PAK1: variants seen among roughly 807,000 people sequenced by gnomAD.
PAK1 encodes p21 (RAC1) activated kinase 1, also known as serine/threonine-protein kinase PAK 1.
A neutral mutation model predicts 67.4 loss-of-function variants in PAK1; 29 were observed. The observed-to-expected ratio is 0.43, with a 90% CI of 0.32 to 0.59. The LOEUF is 0.59. Ranked by LOEUF, PAK1 falls within the 20% of genes least tolerant of loss-of-function variation. The probability of loss-of-function intolerance (pLI) is 0.07; values close to 1 mark genes in which losing one functional copy is unlikely to be tolerated. For missense variants in PAK1, 337 were observed against 670.7 expected (o/e 0.50, Z 5.50); for synonymous variants, 223 against 237.4 (o/e 0.94, Z 0.56).
intron 3 of PAK1, 193 bp from the exon 4 acceptor site, chr11:77,379,581 T>C (rs1313831553): frequency 3.3e-6 from 2 of 601,114 alleles, no homozygotes; most frequent in African/African-American, 1.9e-5. Flanking sequence ...TTTCTTAAGA[T>C]GTCTGCTCCT....
chr11:77,382,333 C>G (rs1949943841), intron 2 of PAK1, among the ~76,000 whole-genome samples: 4 of 152,178 alleles, frequency 2.6e-5, no homozygotes, highest in African/African-American at 9.7e-5. Flanking sequence ...ACTGAGCACT[C>G]TTTACCCTGC....
chr11:77,521,661 G>T, the PAK1 span, among the ~76,000 whole-genome samples: 2 of 152,208 alleles, frequency 1.3e-5, no homozygotes, highest in East Asian at 3.8e-4. Context: ...GACACACCCA[G>T]ATAGCTAGTG....
intron 5 of PAK1, among the ~76,000 whole-genome samples, chr11:77,359,914 C>T (rs147988079): frequency 0.011 from 1,653 of 152,206 alleles, 13 homozygotes; most frequent in Non-Finnish European, 0.017. Flanking sequence ...TTAATATATA[C>T]TGATATAATT....
chr11:77,429,735 C>T (rs1437278093), intron 1 of PAK1, among the ~76,000 whole-genome samples: 2 of 152,174 alleles, frequency 1.3e-5, no homozygotes, highest in African/African-American at 2.4e-5. Flanking sequence ...AAATGTAACA[C>T]GTGATTCTGA....
Position 77,323,299 on chromosome 11 carries a change from T to C in PAK1, c.1613A>G (p.Lys538Arg). The C allele has an allele frequency of 6.2e-7, 1 of 1,614,012 alleles. No individual in the cohort carries two copies. The highest frequency in any genetic ancestry group is 8.5e-7 in the Non-Finnish European group (1 of 1,179,916). Residue 538 changes from lysine to arginine, a missense_variant, in exon 15 of 15, where the codon AAG (lysine) becomes AGG (arginine). Physicochemically the swap from Lys to Arg is conservative, Grantham distance 26. Around this residue, in one of 8 missense-constraint regions of PAK1, gnomAD observed 71 missense variants for 160.5 expected, o/e 0.44. Transcript: ENST00000356341. ...TTAGTGATTGTTCTTTGTTGCCTCC[T>C]TAGCTGCAGCAATCAGTGGAGTGAG... is the stretch of plus-strand genomic sequence containing the variant. The part of the protein sequence containing the change: ...SSLTPLIAAA[K>R]EATKNNH
chr11:77,407,093 G>A (rs1352892994), intron 1 of PAK1, among the ~76,000 whole-genome samples: 2 of 151,914 alleles, frequency 1.3e-5, no homozygotes, highest in African/African-American at 2.4e-5. Flanking sequence ...TTCAAAGTAG[G>A]TATGAATATC....
intron 8 of PAK1, among the ~76,000 whole-genome samples, chr11:77,350,130 G>A (rs1945031817): frequency 1.3e-5 from 2 of 152,042 alleles, no homozygotes; most frequent in East Asian, 1.9e-4. Flanking sequence ...GGATACACTT[G>A]GATCCTTTAA....
the PAK1 span, among the ~76,000 whole-genome samples, chr11:77,481,498 A>G: frequency 1.3e-5 from 2 of 151,954 alleles, no homozygotes; most frequent in African/African-American, 2.4e-5. Flanking sequence ...AACAAGGTGA[A>G]ACCCCATCTC....
intron 10 of PAK1, among the ~76,000 whole-genome samples, chr11:77,340,998 G>A (rs564898038): frequency 6.6e-6 from 1 of 152,278 alleles, no homozygotes; most frequent in East Asian, 1.9e-4. Flanking sequence ...AAGCCCCAAA[G>A]GGCAGAACTA....
the PAK1 span, among the ~76,000 whole-genome samples, chr11:77,501,593 T>C: frequency 4.9e-4 from 75 of 152,324 alleles, no homozygotes; most frequent in Admixed American, 9.8e-4. Context: ...CCCACCTCTC[T>C]GGTCACACTG....
chr11:77,343,024 T>C (rs1943862702), intron 10 of PAK1, among the ~76,000 whole-genome samples: 1 of 152,162 alleles, frequency 6.6e-6, no homozygotes, highest in Non-Finnish European at 1.5e-5. Context: ...TATTAACGTC[T>C]ATAAACCTCA....
intron 1 of PAK1, among the ~76,000 whole-genome samples, chr11:77,453,623 A>AT (rs1956957227): frequency 6.6e-6 from 1 of 152,232 alleles, no homozygotes; most frequent in African/African-American, 2.4e-5. Flanking sequence ...AGAACATAAA[A>AT]TATGTATGGT....
chr11:77,376,347 C>G (rs746216581), intron 4 of PAK1, among the ~76,000 whole-genome samples: 12 of 152,144 alleles, frequency 7.9e-5, no homozygotes, highest in Non-Finnish European at 1.6e-4. Context: ...AAGATTGGTT[C>G]AAGGTCACGT....
At chr11:77,365,846 G>GAA (rs71473341) in intron 5 of PAK1, among the ~76,000 whole-genome samples, 5 of 138,606 alleles carry the variant, frequency 3.6e-5, no homozygotes, top group African/African-American at 1.0e-4. Flanking sequence ...AAAAGAAAAA[G>GAA]AAAAAAAAAA....
intron 1 of PAK1, among the ~76,000 whole-genome samples, chr11:77,408,753 C>T (rs189133008): frequency 5.5e-4 from 84 of 152,080 alleles, no homozygotes; most frequent in Non-Finnish European, 1.1e-3. Context: ...GGATTAATAA[C>T]GAGAATATAT....
chr11:77,448,553 A>G (rs1444346132), intron 1 of PAK1, among the ~76,000 whole-genome samples: 1 of 152,252 alleles, frequency 6.6e-6, no homozygotes, highest in Non-Finnish European at 1.5e-5. Flanking sequence ...AATGTCAGAG[A>G]AGGCATCAGA....
chr11:77,440,745 C>T (rs1956318266), intron 1 of PAK1, among the ~76,000 whole-genome samples: 1 of 152,160 alleles, frequency 6.6e-6, no homozygotes, highest in South Asian at 2.1e-4. Flanking sequence ...CTGCTGTATA[C>T]AGCAAGGGAA....
chr11:77,420,618 C>CATA, intron 1 of PAK1, among the ~76,000 whole-genome samples: 1 of 151,592 alleles, frequency 6.6e-6, no homozygotes, highest in Non-Finnish European at 1.5e-5. Context: ...ATCAACTATA[C>CATA]CTTCAAAACA....
At chr11:77,442,870 AAC>A (rs891815523) in intron 1 of PAK1, among the ~76,000 whole-genome samples, 1 of 152,102 alleles carries the variant, frequency 6.6e-6, no homozygotes, top group Non-Finnish European at 1.5e-5. Context: ...CTTAAACAAC[AAC>A]AGTCTCTGCT....
Sources: gnomAD v4.1 joint callset for allele counts (sites outside exome capture counted in the v4.1 genomes callset) on GRCh38, gnomAD v4.1.1 for gene constraint, gnomAD v4.1.1 regional missense constraint, MANE v1.5 for transcripts, NCBI Gene and HGNC (gene_info 2026-07-23, HGNC 2026-07-21) for gene names.